The following ROBO1 variants were observed in gnomAD, a reference collection of about 807,000 sequenced individuals.
ROBO1 encodes the protein roundabout guidance receptor 1.
In ROBO1, 149 loss-of-function variants were observed where a neutral mutation model predicts 195.9. That is an observed-to-expected ratio of 0.76 (90% CI 0.67 to 0.87). The LOEUF is 0.87. Among genes scored for constraint, ROBO1 ranks in the 40% least tolerant of loss-of-function variants. The probability of loss-of-function intolerance (pLI) is 0.00; values close to 1 mark genes in which losing one functional copy is unlikely to be tolerated. For synonymous variants in ROBO1, 816 were observed against 733.2 expected (o/e 1.11, Z -1.82); for missense variants, 1,933 against 2,068.3 (o/e 0.93, Z 1.27).
intron 3 of ROBO1, among the ~76,000 whole-genome samples, chr3:79,068,625 CT>C (rs1204716510): frequency 6.6e-6 from 1 of 151,744 alleles, no homozygotes; most frequent in Admixed American, 6.6e-5. Context: ...AGTAACTTTT[CT>C]TTATCTCAAA....
Position 78,938,777 on chromosome 3 carries a change from A to T in ROBO1, c.323T>A (p.Val108Glu). The T allele has an allele frequency of 6.2e-7, 1 of 1,613,020 alleles. No individual in the cohort carries two copies. Residue 108 changes from valine (V) to glutamate (E), a missense_variant, in exon 4 of 31, where the codon GTG becomes GAG. Transcript: ENST00000464233. ...GCGAGGGTCATCTTTGTCTGTCTCC[A>T]CTCTCTCTCCCCCTTTGTACCATTC... ...TIEWYKGGERVETDKDDPRSH... is the reference protein window; with the variant it reads ...TIEWYKGGEREETDKDDPRSH...
At chr3:79,381,373 A>AAGAAAAGAAAAGAAAAGAAAAGAAAAG (rs1553730431) in intron 2 of ROBO1, among the ~76,000 whole-genome samples, 10 of 115,438 alleles carry the variant, frequency 8.7e-5, no homozygotes, top group African/African-American at 3.3e-4. Flanking sequence ...AAAAAAAAAA[A>AAGAAAAGAAAAGAAAAGAAAAGAAAAG]AAAAGAAAAG....
At chr3:79,643,593 C>A (rs1338775071) in intron 1 of ROBO1, among the ~76,000 whole-genome samples, 1 of 151,946 alleles carries the variant, frequency 6.6e-6, no homozygotes, top group Non-Finnish European at 1.5e-5. Flanking sequence ...CTTTTTTTCC[C>A]TATTTTTGGT....
At chr3:79,699,054 G>A (rs915433309) in intron 1 of ROBO1, among the ~76,000 whole-genome samples, 5 of 148,020 alleles carry the variant, frequency 3.4e-5, no homozygotes, top group South Asian at 2.1e-4. Context: ...ATTAAAGGAC[G>A]TTTATAACTA....
intron 1 of ROBO1, among the ~76,000 whole-genome samples, chr3:79,604,237 CA>C (rs1245117662): frequency 6.6e-6 from 1 of 151,092 alleles, no homozygotes; most frequent in Non-Finnish European, 1.5e-5. Context: ...CAAATCAAAA[CA>C]AAAAAAAGTA....
chr3:79,475,702 G>A (rs529603455), intron 2 of ROBO1, among the ~76,000 whole-genome samples: 1 of 151,988 alleles, frequency 6.6e-6, no homozygotes, highest in Non-Finnish European at 1.5e-5. Context: ...TACAGAAAAT[G>A]CCCTTTATTG....
chr3:78,800,544 TTTTGTTTG>T (rs149509521), intron 4 of ROBO1, among the ~76,000 whole-genome samples: 8,249 of 151,812 alleles, frequency 0.054, 295 homozygotes, highest in Middle Eastern at 0.11. Context: ...TGAAGCTGTT[TTTTGTTTG>T]TTTGTTTGTT....
chr3:79,229,760 T>G (rs2108848171), intron 2 of ROBO1, among the ~76,000 whole-genome samples: 1 of 152,244 alleles, frequency 6.6e-6, no homozygotes. Flanking sequence ...ATGATAAAAA[T>G]GAGATGAAAA....
chr3:79,685,370 G>T, intron 1 of ROBO1, among the ~76,000 whole-genome samples: 1 of 152,112 alleles, frequency 6.6e-6, no homozygotes, highest in Admixed American at 6.5e-5. Context: ...TTCTAAATTT[G>T]TTCTGAGTTC....
At chr3:79,105,861 C>T (rs2079769203) in intron 3 of ROBO1, among the ~76,000 whole-genome samples, 1 of 151,674 alleles carries the variant, frequency 6.6e-6, no homozygotes, top group Non-Finnish European at 1.5e-5. Context: ...GAAGCTCCTG[C>T]TGTGTATATA....
chr3:79,586,387 G>C (rs1268007821), intron 2 of ROBO1, among the ~76,000 whole-genome samples: 1 of 151,884 alleles, frequency 6.6e-6, no homozygotes, highest in Non-Finnish European at 1.5e-5. Context: ...GGGTGGGGCA[G>C]ATAAGCAGTA....
intron 2 of ROBO1, among the ~76,000 whole-genome samples, chr3:79,181,552 A>G (rs1001585951): frequency 1.3e-5 from 2 of 152,174 alleles, no homozygotes; most frequent in Admixed American, 1.3e-4. Context: ...TTAAACTCTT[A>G]CACTAACTCT....
At chr3:79,307,986 T>A (rs920183196) in intron 2 of ROBO1, among the ~76,000 whole-genome samples, 1 of 152,166 alleles carries the variant, frequency 6.6e-6, no homozygotes, top group South Asian at 2.1e-4. Context: ...ACATTGAGTG[T>A]CCTGCTTATA....
intron 4 of ROBO1, among the ~76,000 whole-genome samples, chr3:78,853,083 G>A (rs1183127331): frequency 6.6e-6 from 1 of 152,148 alleles, no homozygotes; most frequent in Non-Finnish European, 1.5e-5. Flanking sequence ...GTGACTACAG[G>A]ATGTTCAAGT....
At chr3:79,471,046 C>A (rs1938244743) in intron 2 of ROBO1, among the ~76,000 whole-genome samples, 1 of 152,004 alleles carries the variant, frequency 6.6e-6, no homozygotes, top group Non-Finnish European at 1.5e-5. Context: ...TAAGAACACA[C>A]ATTTGGGAAA....
At chr3:79,263,051 C>A (rs2082969488) in intron 2 of ROBO1, among the ~76,000 whole-genome samples, 1 of 152,040 alleles carries the variant, frequency 6.6e-6, no homozygotes, top group South Asian at 2.1e-4. Flanking sequence ...CTTTGTCAAG[C>A]AATTGTATTT....
At chr3:78,920,624 GTTTTTT>G (rs34364869) in intron 4 of ROBO1, among the ~76,000 whole-genome samples, 3 of 60,950 alleles carry the variant, frequency 4.9e-5, no homozygotes, top group Non-Finnish European at 6.0e-5. Context: ...CTTTCTTTCA[GTTTTTT>G]TTTTTTTTTT....
intron 2 of ROBO1, among the ~76,000 whole-genome samples, chr3:79,311,332 A>G (rs528496964): frequency 1.3e-5 from 2 of 152,322 alleles, no homozygotes; most frequent in South Asian, 4.1e-4. Flanking sequence ...TCTATATCAT[A>G]ATACTAAAAA....
At chr3:78,682,065 C>A (rs977265896) in intron 10 of ROBO1, among the ~76,000 whole-genome samples, 6 of 152,056 alleles carry the variant, frequency 3.9e-5, no homozygotes, top group African/African-American at 1.4e-4. Context: ...GATGTTTTAG[C>A]AAATTCCTCC....
Sources: allele counts gnomAD v4.1 joint callset (sites outside exome capture counted in the v4.1 genomes callset), GRCh38; gene constraint gnomAD v4.1.1; transcripts MANE v1.5; gene names NCBI Gene and HGNC (gene_info 2026-07-23, HGNC 2026-07-21).